Variants in CCDC66 observed in about 807,000 individuals in gnomAD.
CCDC66 encodes coiled-coil domain containing 66.
In CCDC66, 133 loss-of-function variants were observed where a neutral mutation model predicts 128.3. That is an observed-to-expected ratio of 1.04 (90% confidence interval 0.90 to 1.20). The LOEUF is 1.20. Among genes scored for constraint, CCDC66 ranks in the 50% most tolerant of loss-of-function variants. The pLI, the probability that CCDC66 is intolerant of heterozygous loss-of-function variation, is 0.00. For missense variants in CCDC66, 1,126 were observed against 1,075.5 expected (o/e 1.05, Z -0.66); for synonymous variants, 387 against 357.0 (o/e 1.08, Z -0.95).
rs761801552 is a variant in CCDC66, at chr3:56,563,954, G to A, written c.373G>A (p.Val125Ile). 40 of 1,613,730 alleles carry A rather than the reference G, an allele frequency of 2.5e-5. 1 individual carries two copies. The highest frequency in any genetic ancestry group is 8.3e-5 in the Admixed American group (5 of 59,996). ...TAATATGCAGAAGACTAGAAACACC[G>A]TAAATACATCTCTAGTAGGTAAACA... ...TPNMQKTRNT[V>I]NTSLVGKQKP... is the part of the protein sequence containing the mutation. The change falls in exon 4 of 18, where the codon GTA becomes ATA. Residue 125 changes from valine (V) to isoleucine (I), a missense_variant. By Grantham distance (29) the Val-to-Ile change is conservative. Coordinates refer to ENST00000394672, the MANE Select transcript of CCDC66 (RefSeq NM_001141947.3).
At position 56,618,171 on chromosome 3, in the gene CCDC66, G is replaced by C. The variant is rs1331430500; in HGVS notation, c.2338-1G>C. On this transcript the variant is annotated splice_acceptor_variant, in intron 14 of 17. Transcript: ENST00000394672. LOFTEE classifies it high-confidence loss of function. ...TCTGCATTTATCTATCCATATTTTA[G>C]GAAGAAGAGCCTCTGAATATTCATT... The C allele has an allele frequency of 2.5e-6, 4 of 1,610,022 alleles. No individual in the cohort carries two copies. The highest frequency in any genetic ancestry group is 3.4e-6 in the Non-Finnish European group (4 of 1,176,620).
At chr3:56,604,646 A>C (rs552112457) in intron 10 of CCDC66, among the ~76,000 whole-genome samples, 1 of 151,426 alleles carries the variant, frequency 6.6e-6, no homozygotes, top group East Asian at 1.9e-4. Flanking sequence ...CTGCAGAGAG[A>C]TCCGCTGTTA....
intron 6 of CCDC66, among the ~76,000 whole-genome samples, chr3:56,568,150 A>G (rs2107808577): frequency 6.6e-6 from 1 of 152,332 alleles, no homozygotes; most frequent in East Asian, 1.9e-4. Flanking sequence ...GCGTCATTGC[A>G]GATTTTCTCT....
At chr3:56,573,919 AAC>A (rs1227974837) in intron 7 of CCDC66, among the ~76,000 whole-genome samples, 3 of 76,478 alleles carry the variant, frequency 3.9e-5, no homozygotes, top group East Asian at 6.6e-4. Flanking sequence ...ACTAAAAAAA[AAC>A]AATAAAGTTA....
At chr3:56,560,365 C>T (rs2107705918) in intron 3 of CCDC66, among the ~76,000 whole-genome samples, 1 of 152,228 alleles carries the variant, frequency 6.6e-6, no homozygotes, top group South Asian at 2.1e-4. Flanking sequence ...GCCACCATGC[C>T]CAGCTAATTT....
chr3:56,575,478 G>A (rs1008438920), intron 7 of CCDC66, among the ~76,000 whole-genome samples: 2 of 151,746 alleles, frequency 1.3e-5, no homozygotes, highest in Non-Finnish European at 2.9e-5. Context: ...TATATATTTT[G>A]TATGATAATC....
chr3:56,571,699 T>G (rs556946539), intron 7 of CCDC66, among the ~76,000 whole-genome samples: 1 of 152,204 alleles, frequency 6.6e-6, no homozygotes, highest in Non-Finnish European at 1.5e-5. Flanking sequence ...ACTTGTCATA[T>G]TTTTGGGTTT....
In CCDC66 at chr3:56,617,374, T is replaced by C. The variant is rs140685460; in HGVS notation, c.2106T>C (p.Asp702=). The C allele has an allele frequency of 8.9e-5, 144 of 1,613,836 alleles. No individual in the cohort carries two copies. The African/African-American group carries it at 1.6e-3, about 18-fold the overall frequency. ...TGAAGAAATATCCTAAAAGGCCTGA[T>C]TGGAATATAAATAAGCCACCTAAAA... ...KHMKKYPKRP[D]WNINKPPKRY... The change falls in exon 14 of 18, where the codon GAT becomes GAC. Residue 702 remains aspartate (D), a synonymous_variant. Transcript: ENST00000394672.
At chr3:56,580,552 T>C (rs1233221793) in intron 7 of CCDC66, among the ~76,000 whole-genome samples, 1 of 151,874 alleles carries the variant, frequency 6.6e-6, no homozygotes, top group Non-Finnish European at 1.5e-5. Flanking sequence ...TGGTACCGGT[T>C]GTTCCTTTCC....
intron 7 of CCDC66, among the ~76,000 whole-genome samples, chr3:56,585,339 A>G (rs1293725576): frequency 6.6e-6 from 1 of 151,830 alleles, no homozygotes; most frequent in Non-Finnish European, 1.5e-5. Context: ...AATTTAAAAT[A>G]CAGTGAGGAA....
intron 7 of CCDC66, among the ~76,000 whole-genome samples, chr3:56,587,011 A>G (rs758875933): frequency 1.6e-4 from 24 of 151,858 alleles, no homozygotes; most frequent in Non-Finnish European, 2.5e-4. Flanking sequence ...AGCTATGATT[A>G]TGCTTGGGCC....
chr3:56,584,129 C>G (rs1381318239), intron 7 of CCDC66, among the ~76,000 whole-genome samples: 1 of 144,508 alleles, frequency 6.9e-6, no homozygotes, highest in African/African-American at 2.5e-5. Flanking sequence ...ACCTCCCTCC[C>G]GGACGGGGCG....
chr3:56,570,415 T>G (rs2066465826), intron 6 of CCDC66: 1 of 152,288 alleles, frequency 6.6e-6, no homozygotes, highest in African/African-American at 2.4e-5. Flanking sequence ...ATAGGCACTA[T>G]TATTATCCCC....
chr3:56,557,663 C>T (rs138240122), intron 1 of CCDC66: 183 of 194,538 alleles, frequency 9.4e-4, no homozygotes, highest in African/African-American at 4.0e-3. Context: ...TGTTGAAACG[C>T]CCAAATTCGT....
chr3:56,578,707 T>C (rs997715426), intron 7 of CCDC66, among the ~76,000 whole-genome samples: 1 of 151,842 alleles, frequency 6.6e-6, no homozygotes, highest in Non-Finnish European at 1.5e-5. Context: ...GTGAATAGAT[T>C]ACGTTTATTG....
At chr3:56,573,195 A>G (rs189847867) in intron 7 of CCDC66, among the ~76,000 whole-genome samples, 1 of 152,356 alleles carries the variant, frequency 6.6e-6, no homozygotes, top group African/African-American at 2.4e-5. Context: ...AATCCATACC[A>G]TGATTGTTAA....
intron 13 of CCDC66, chr3:56,616,899 T>C (rs1390331545): frequency 2.1e-5 from 9 of 431,864 alleles, no homozygotes; most frequent in Non-Finnish European, 3.2e-5. Flanking sequence ...TTTTCATGAT[T>C]ATCAGTTCAT....
chr3:56,586,931 C>T (rs1050163551), intron 7 of CCDC66, among the ~76,000 whole-genome samples: 2 of 151,748 alleles, frequency 1.3e-5, no homozygotes, highest in Non-Finnish European at 2.9e-5. Context: ...TGGGATGTTC[C>T]TGTAGTCCTA....
At chr3:56,562,462 C>T (rs920531850) in intron 3 of CCDC66, among the ~76,000 whole-genome samples, 1 of 152,094 alleles carries the variant, frequency 6.6e-6, no homozygotes, top group Non-Finnish European at 1.5e-5. Context: ...AATACAGTAT[C>T]ATAAGTAATT....
Sources: gnomAD v4.1 joint callset for allele counts (sites outside exome capture counted in the v4.1 genomes callset) on GRCh38, gnomAD v4.1.1 for gene constraint, MANE v1.5 for transcripts, NCBI Gene and HGNC (gene_info 2026-07-23, HGNC 2026-07-21) for gene names.